The following DOCK3 variants were observed in gnomAD, a reference collection of about 807,000 sequenced individuals.
DOCK3 encodes dedicator of cytokinesis protein 3.
A neutral mutation model predicts 265.6 loss-of-function variants in DOCK3; 60 were observed. That is an observed-to-expected ratio of 0.23 (90% CI 0.18 to 0.28). The LOEUF (loss-of-function observed/expected upper bound fraction) is 0.28, where lower values mean the gene tolerates loss of function less well. Among genes scored for constraint, DOCK3 ranks in the 10% least tolerant of loss-of-function variants. The pLI is 1.00. For synonymous variants in DOCK3, 881 were observed against 938.0 expected (o/e 0.94, Z 1.11); for missense variants, 1,981 against 2,594.3 (o/e 0.76, Z 5.14).
chr3:50,981,751 A>G (rs1313357372), intron 5 of DOCK3, among the ~76,000 whole-genome samples: 2 of 152,190 alleles, frequency 1.3e-5, no homozygotes, highest in African/African-American at 4.8e-5. Flanking sequence ...GTTTGATATA[A>G]TGTAAGTATA....
intron 9 of DOCK3, among the ~76,000 whole-genome samples, chr3:51,140,517 GGTT>G (rs1356125637): frequency 2.0e-5 from 3 of 152,012 alleles, no homozygotes; most frequent in Non-Finnish European, 4.4e-5. Context: ...TGGATATTTT[GGTT>G]GTTTTCACCT....
intron 1 of DOCK3, among the ~76,000 whole-genome samples, chr3:50,769,668 G>A (rs187455835): frequency 5.7e-4 from 87 of 151,974 alleles, no homozygotes; most frequent in African/African-American, 2.0e-3. Flanking sequence ...AAAATTAGCC[G>A]GGTGTGTGTG....
chr3:51,311,921 C>G (rs1277713074), intron 28 of DOCK3, 83 bp from the exon 29 acceptor site: 1 of 973,684 alleles, frequency 1.0e-6, no homozygotes, highest in East Asian at 2.8e-5. Context: ...AGTTTGCACA[C>G]AGGCTATAGA....
intron 4 of DOCK3, among the ~76,000 whole-genome samples, chr3:50,914,904 T>G (rs2050039514): frequency 6.6e-6 from 1 of 152,060 alleles, no homozygotes; most frequent in Non-Finnish European, 1.5e-5. Flanking sequence ...GCATTTGCAG[T>G]GGTGCTGGGT....
chr3:50,780,884 T>C (rs2041872602), intron 2 of DOCK3, among the ~76,000 whole-genome samples: 1 of 152,132 alleles, frequency 6.6e-6, no homozygotes, highest in Non-Finnish European at 1.5e-5. Flanking sequence ...TTAGCTTCCA[T>C]GTATGAATAA....
Position 50,675,443 on chromosome 3 carries a change from C to T in DOCK3, c.37+143C>T. The T allele has an allele frequency of 4.1e-6, 3 of 727,782 alleles. No homozygotes were observed. Among genetic ancestry groups the T allele is most frequent in the Non-Finnish European group, 5.4e-6 (3 of 559,056 alleles). The allele number at this position is 727,782 out of a possible 1,614,324, so 45.1% of individuals were successfully genotyped here. A position where few individuals can be genotyped will look rare whatever the true frequency, so the allele number is the denominator to read the frequency against. ...GCGCGGGGCGAGCGCGGGGTGGGGGCAGGTGCGGGTGCGGGTGCGGGTGCG... is the reference window on the plus strand; with the variant it reads ...GCGCGGGGCGAGCGCGGGGTGGGGGTAGGTGCGGGTGCGGGTGCGGGTGCG... On this transcript the variant is annotated intron_variant, in intron 1 of 52. Coordinates refer to ENST00000266037, the MANE Select transcript of DOCK3 (RefSeq NM_004947.5). The surrounding 1 kb of genome is among the most constrained non-coding windows in gnomAD (Gnocchi z 6.1).
chr3:50,918,385 G>A (rs1021545030), intron 4 of DOCK3, among the ~76,000 whole-genome samples: 18 of 152,104 alleles, frequency 1.2e-4, no homozygotes, highest in African/African-American at 4.1e-4. Flanking sequence ...AACAGTGTAA[G>A]AGTGTTCCTA....
chr3:51,084,952 C>G, intron 7 of DOCK3, among the ~76,000 whole-genome samples: 1 of 152,122 alleles, frequency 6.6e-6, no homozygotes, highest in South Asian at 2.1e-4. Context: ...TTACCTATAA[C>G]GACACACATA....
chr3:51,023,362 T>C (rs1429839438), intron 5 of DOCK3, among the ~76,000 whole-genome samples: 2 of 152,136 alleles, frequency 1.3e-5, no homozygotes, highest in Non-Finnish European at 2.9e-5. Flanking sequence ...GCATTTTGTA[T>C]TTTCCTAAGT....
chr3:51,240,135 G>T (rs2078542822), intron 21 of DOCK3, among the ~76,000 whole-genome samples: 1 of 152,112 alleles, frequency 6.6e-6, no homozygotes, highest in Non-Finnish European at 1.5e-5. Context: ...AGAGATTCTG[G>T]TATGCTGTAT....
intron 3 of DOCK3, among the ~76,000 whole-genome samples, chr3:50,850,869 G>T (rs529580604): frequency 6.6e-6 from 1 of 152,240 alleles, no homozygotes; most frequent in East Asian, 1.9e-4. Flanking sequence ...GTGACCAATG[G>T]GTCTGACTAT....
intron 3 of DOCK3, among the ~76,000 whole-genome samples, chr3:50,857,978 C>G (rs534985678): frequency 2.0e-4 from 30 of 152,138 alleles, no homozygotes; most frequent in African/African-American, 6.3e-4. Flanking sequence ...CACATGCACA[C>G]GTATGTTTAT....
chr3:51,170,078 T>C (rs2086600874), intron 12 of DOCK3, among the ~76,000 whole-genome samples: 1 of 152,228 alleles, frequency 6.6e-6, no homozygotes, highest in Non-Finnish European at 1.5e-5. Flanking sequence ...AAATGTTCAT[T>C]GGACATATTG....
At chr3:50,970,945 AT>A (rs1559878864) in intron 5 of DOCK3, among the ~76,000 whole-genome samples, 10 of 69,222 alleles carry the variant, frequency 1.4e-4, no homozygotes, top group African/African-American at 3.4e-4. Context: ...ATATATATAT[AT>A]AATGTGTGTG....
intron 27 of DOCK3, among the ~76,000 whole-genome samples, chr3:51,309,673 C>T (rs949115228): frequency 6.6e-6 from 1 of 151,966 alleles, no homozygotes. Context: ...TCTTACAGAG[C>T]GTACATGGGA....
At chr3:51,195,698 C>T (rs959928208) in intron 12 of DOCK3, among the ~76,000 whole-genome samples, 23 of 151,424 alleles carry the variant, frequency 1.5e-4, no homozygotes, top group African/African-American at 5.1e-4. Flanking sequence ...GATTACAGGC[C>T]TGAGCCACTG....
At chr3:51,265,751 G>A (rs143318989) in intron 23 of DOCK3, among the ~76,000 whole-genome samples, 1 of 152,196 alleles carries the variant, frequency 6.6e-6, no homozygotes, top group East Asian at 1.9e-4. Flanking sequence ...ATACTGAATG[G>A]GTAAAAGCTG....
At chr3:50,877,651 T>TTTTCC in intron 3 of DOCK3, 1 of 229,032 alleles carries the variant, frequency 4.4e-6, no homozygotes, top group Admixed American at 7.3e-5. Context: ...GGCAGCCACT[T>TTTTCC]TTTCTTTTCT....
intron 13 of DOCK3, among the ~76,000 whole-genome samples, chr3:51,210,033 C>A (rs1156867176): frequency 6.6e-6 from 1 of 152,192 alleles, no homozygotes; most frequent in Non-Finnish European, 1.5e-5. Flanking sequence ...TGGGAAACTA[C>A]TATTCACATC....
Sources: allele counts gnomAD v4.1 joint callset (sites outside exome capture counted in the v4.1 genomes callset), GRCh38; gene constraint gnomAD v4.1.1; non-coding constraint Gnocchi (gnomAD v3.1); transcripts MANE v1.5; gene names NCBI Gene and HGNC (gene_info 2026-07-23, HGNC 2026-07-21).